Variants in FUT8 observed in about 807,000 individuals in gnomAD.
The protein encoded by FUT8 is alpha-(1,6)-fucosyltransferase.
A neutral mutation model predicts 71.3 loss-of-function variants in FUT8; 29 were observed. The observed-to-expected ratio is 0.41, with a 90% CI of 0.30 to 0.55. FUT8 has a LOEUF of 0.55. Among genes scored for constraint, FUT8 ranks in the 20% least tolerant of loss-of-function variants. FUT8 has a pLI of 0.34. For missense variants in FUT8, 544 were observed against 702.1 expected (o/e 0.77, Z 2.55); for synonymous variants, 254 against 239.3 (o/e 1.06, Z -0.57).
intron 7 of FUT8, among the ~76,000 whole-genome samples, chr14:65,677,151 T>TGTGTGTGTGTGTGCGCGCGCGCGCGCGC: frequency 9.0e-6 from 1 of 110,702 alleles, no homozygotes; most frequent in Admixed American, 9.2e-5. Flanking sequence ...TGTGTGTGTG[T>TGTGTGTGTGTGTGCGCGCGCGCGCGCGC]GCGCGCGCGC....
At chr14:65,632,733 T>TA (rs1412320293) in intron 6 of FUT8, among the ~76,000 whole-genome samples, 9 of 152,224 alleles carry the variant, frequency 5.9e-5, no homozygotes, top group African/African-American at 1.9e-4. Flanking sequence ...ACCTCTGAGC[T>TA]ATTTATCTTT....
At chr14:65,640,009 T>C (rs59204447) in intron 6 of FUT8, among the ~76,000 whole-genome samples, 19,524 of 152,136 alleles carry the variant, frequency 0.13, 1,624 homozygotes, top group East Asian at 0.38. Flanking sequence ...AAAAAATGAT[T>C]ATGAATCATC....
At position 65,472,205 on chromosome 14, in the gene FUT8, A is replaced by G. The variant is rs984271194; in HGVS notation, c.-228+16487A>G. 2.6e-5 allele frequency among the ~76,000 whole-genome samples: 4 copies of G among 152,172 alleles called. No homozygotes were observed. Among genetic ancestry groups the G allele is most frequent in the African/African-American group, 9.7e-5 (4 of 41,444 alleles). On this transcript the variant is annotated intron_variant, in intron 2 of 10. Coordinates refer to ENST00000673929, the MANE Select transcript of FUT8 (RefSeq NM_001371533.1). The surrounding 1 kb of genome is among the most constrained non-coding windows in gnomAD (Gnocchi z 4.4). ...GCTACTTCCACTGATAGCAGAAGGC[A>G]AAGAGGTGCCAGCTTGTGCACAAAA...
chr14:65,563,678 T>C (rs879912443), intron 3 of FUT8, among the ~76,000 whole-genome samples: 3 of 152,074 alleles, frequency 2.0e-5, no homozygotes, highest in African/African-American at 4.8e-5. Context: ...TTTAGACTTA[T>C]AAATAATTGC....
At chr14:65,445,986 G>T (rs1404580031) in intron 1 of FUT8, among the ~76,000 whole-genome samples, 1 of 152,124 alleles carries the variant, frequency 6.6e-6, no homozygotes, top group East Asian at 1.9e-4. Context: ...AATTGGGATG[G>T]TCACCTAGTA....
intron 2 of FUT8, among the ~76,000 whole-genome samples, chr14:65,538,338 A>G (rs1884468965): frequency 6.6e-6 from 1 of 152,144 alleles, no homozygotes; most frequent in Admixed American, 6.5e-5. Context: ...GGGACCAATA[A>G]TGAGCCTTAG....
intron 1 of FUT8, among the ~76,000 whole-genome samples, chr14:65,432,481 T>C (rs1282254492): frequency 1.3e-5 from 2 of 152,070 alleles, no homozygotes; most frequent in Non-Finnish European, 2.9e-5. Flanking sequence ...TCAGATTCAT[T>C]CGCTTGTCAA....
At chr14:65,376,364 T>C in the FUT8 span, among the ~76,000 whole-genome samples, 12 of 152,206 alleles carry the variant, frequency 7.9e-5, no homozygotes, top group Admixed American at 7.9e-4. Context: ...GAACATGTGG[T>C]GGTGGTAGAA....
chr14:65,557,667 TA>T (rs1885667518), intron 2 of FUT8, among the ~76,000 whole-genome samples: 2 of 151,754 alleles, frequency 1.3e-5, no homozygotes, highest in Non-Finnish European at 2.9e-5. Context: ...GTGATATCAC[TA>T]ATTAAATAAA....
At chr14:65,675,976 G>A (rs1041524079) in intron 7 of FUT8, among the ~76,000 whole-genome samples, 4 of 152,070 alleles carry the variant, frequency 2.6e-5, no homozygotes, top group East Asian at 1.9e-4. Context: ...CAGCCTGAGC[G>A]AGAGAGCAAG....
At chr14:65,513,138 T>C (rs1166727075) in intron 2 of FUT8, among the ~76,000 whole-genome samples, 1 of 152,194 alleles carries the variant, frequency 6.6e-6, no homozygotes, top group Non-Finnish European at 1.5e-5. Flanking sequence ...TTTTAATCAC[T>C]TGCATCTGGT....
chr14:65,474,705 C>G (rs1439225990), intron 2 of FUT8, among the ~76,000 whole-genome samples: 1 of 152,064 alleles, frequency 6.6e-6, no homozygotes, highest in Non-Finnish European at 1.5e-5. Flanking sequence ...TTGTCATCTT[C>G]AAGTTATTTG....
At chr14:65,602,470 G>A (rs1888356228) in intron 3 of FUT8, among the ~76,000 whole-genome samples, 1 of 148,394 alleles carries the variant, frequency 6.7e-6, no homozygotes, top group Non-Finnish European at 1.5e-5. Context: ...GAATTGTGCT[G>A]CTATAAACAT....
intron 9 of FUT8, among the ~76,000 whole-genome samples, chr14:65,728,519 A>G (rs1895800607): frequency 6.6e-6 from 1 of 152,216 alleles, no homozygotes; most frequent in African/African-American, 2.4e-5. Flanking sequence ...AAACCATATC[A>G]TTACCGAATC....
intron 3 of FUT8, among the ~76,000 whole-genome samples, chr14:65,609,966 T>G (rs931788150): frequency 2.0e-5 from 3 of 151,946 alleles, no homozygotes; most frequent in African/African-American, 7.2e-5. Context: ...TTTCATTTTT[T>G]TTTGCTATTG....
intron 3 of FUT8, among the ~76,000 whole-genome samples, chr14:65,592,713 A>T (rs1324388669): frequency 6.6e-6 from 1 of 152,182 alleles, no homozygotes; most frequent in Non-Finnish European, 1.5e-5. Context: ...CCCTTTAAAT[A>T]ATCCCTATTG....
At chr14:65,690,301 C>A (rs1893509762) in intron 7 of FUT8, among the ~76,000 whole-genome samples, 1 of 152,044 alleles carries the variant, frequency 6.6e-6, no homozygotes, top group Admixed American at 6.5e-5. Context: ...TCAAAAAAGT[C>A]TTTGAAGTCA....
the FUT8 span, among the ~76,000 whole-genome samples, chr14:65,403,081 T>C: frequency 2.6e-4 from 39 of 152,350 alleles, no homozygotes; most frequent in East Asian, 5.6e-3. Flanking sequence ...TGATTTTGGA[T>C]TTAGATCAGA....
At chr14:65,422,744 G>A (rs1406644720) in intron 1 of FUT8, among the ~76,000 whole-genome samples, 1 of 152,078 alleles carries the variant, frequency 6.6e-6, no homozygotes, top group African/African-American at 2.4e-5. Flanking sequence ...CTGGCCTTAG[G>A]TGATCCTCCC....
Sources: allele counts gnomAD v4.1 joint callset (sites outside exome capture counted in the v4.1 genomes callset), GRCh38; gene constraint gnomAD v4.1.1; non-coding constraint Gnocchi (gnomAD v3.1); transcripts MANE v1.5; gene names NCBI Gene and HGNC (gene_info 2026-07-23, HGNC 2026-07-21).